TMEM92: variants seen among roughly 807,000 people sequenced by gnomAD.
The protein encoded by TMEM92 is transmembrane protein 92.
TMEM92 carries 15 observed loss-of-function variants against 14.6 expected under a neutral mutation model. The observed-to-expected ratio is 1.03, with a 90% CI of 0.69 to 1.58. The LOEUF (loss-of-function observed/expected upper bound fraction) is 1.58, where lower values mean the gene tolerates loss of function less well. Ranked by LOEUF, TMEM92 falls within the 40% of genes most tolerant of loss-of-function variation. The pLI, the probability that TMEM92 is intolerant of heterozygous loss-of-function variation, is 0.00. For synonymous variants in TMEM92, 85 were observed against 83.3 expected (o/e 1.02, Z -0.11); for missense variants, 174 against 202.4 (o/e 0.86, Z 0.85).
intron 1 of TMEM92, among the ~76,000 whole-genome samples, chr17:50,275,394 G>C (rs1034878091): frequency 1.3e-5 from 2 of 152,240 alleles, no homozygotes; most frequent in East Asian, 1.9e-4. Flanking sequence ...GTGGACCCGG[G>C]TTAGTGAGCA....
At position 50,279,562 on chromosome 17, in the gene TMEM92, G is replaced by A. The variant is rs972959898; in HGVS notation, c.*254G>A. The A allele has an allele frequency of 5.5e-5, 25 of 453,826 alleles. No individual in the cohort carries two copies. Among genetic ancestry groups the A allele is most frequent in the Non-Finnish European group, 8.4e-5 (21 of 250,814 alleles). The allele number at this position is 453,826 out of a possible 1,614,324, so 28.1% of individuals were successfully genotyped here. A position where few individuals can be genotyped will look rare whatever the true frequency, so the allele number is the denominator to read the frequency against. ...AAGAGGCTGCCGGAAAGAAAATGCTGACCATTGGAGGTGCCCAACAGTAGA... is the reference window on the plus strand; with the variant it reads ...AAGAGGCTGCCGGAAAGAAAATGCTAACCATTGGAGGTGCCCAACAGTAGA... On this transcript the variant is annotated 3_prime_UTR_variant, in exon 5 of 5. Coordinates refer to ENST00000507382, the MANE Select transcript of TMEM92 (RefSeq NM_153229.3).
At chr17:50,273,440 T>C (rs2143034618), upstream of TMEM92, among the ~76,000 whole-genome samples, 1 of 152,270 alleles carries the variant, frequency 6.6e-6, no homozygotes, top group Admixed American at 6.5e-5. Context: ...TTTCCAGGAA[T>C]CTGGATGGGC....
At position 50,274,543 on chromosome 17, in the gene TMEM92, G is replaced by T. The variant is rs758070794; in HGVS notation, c.42G>T (p.Leu14=). ...AWVPGLAPTL[L]FSLLAGPQKI... ...TCCCCGGCCTCGCGCCCACCTTGCT[G>T]TTCAGCCTGCTGGCTGGCCCCCAAA... The change falls in exon 1 of 5, where the codon CTG becomes CTT. Residue 14 remains leucine, a synonymous_variant. Transcript: ENST00000507382. 1 of 1,613,862 alleles carries T rather than the reference G, an allele frequency of 6.2e-7. No homozygotes were observed.
upstream of TMEM92, among the ~76,000 whole-genome samples, chr17:50,272,042 G>T (rs1275312844): frequency 6.6e-6 from 1 of 152,020 alleles, no homozygotes; most frequent in Non-Finnish European, 1.5e-5. Flanking sequence ...TATTGCATGG[G>T]ACATAATTAT....
In TMEM92 at chr17:50,279,252, T is replaced by G; in HGVS notation, c.424T>G (p.Phe142Val). ...CACAGAGCCACCCCCTCCCTACAGC[T>G]TCAGGCCTGAAGAATATACCGGGGA... Reference protein sequence around the residue: ...TPTEPPPPYSFRPEEYTGDQR... With the variant: ...TPTEPPPPYSVRPEEYTGDQR... The change falls in exon 5 of 5, where the codon TTC becomes GTC. Residue 142 changes from phenylalanine (F) to valine (V), a missense_variant. Physicochemically the swap from Phe to Val is conservative, Grantham distance 50. Transcript: ENST00000507382. The G allele has an allele frequency of 6.2e-7, 1 of 1,613,718 alleles. No homozygotes were observed. Among genetic ancestry groups the G allele is most frequent in the Non-Finnish European group, 8.5e-7 (1 of 1,179,840 alleles).
At position 50,278,625 on chromosome 17, in the gene TMEM92, C is replaced by T. The variant is rs374894818; in HGVS notation, c.165C>T (p.Pro55=). 45 of 1,613,810 alleles carry T rather than the reference C, an allele frequency of 2.8e-5. No individual in the cohort carries two copies. The highest frequency in any genetic ancestry group is 1.6e-4 in the East Asian group (7 of 44,852). The part of the protein sequence containing the change: ...CCQENELFPG[P]VRIFVIIFLV... ...AGGAGAACGAGCTCTTCCCTGGCCC[C>T]GTGAGGTGAGCCCAGGGCCAGCTCC... The change falls in exon 3 of 5, where the codon CCC becomes CCT. Residue 55 remains proline (P), a synonymous_variant. Transcript: ENST00000507382.
At chr17:50,274,081 C>A (rs1271449452), upstream of TMEM92, among the ~76,000 whole-genome samples, 2 of 152,134 alleles carry the variant, frequency 1.3e-5, no homozygotes, top group Non-Finnish European at 2.9e-5. Context: ...CGGGTTCAAG[C>A]GATTCTCCTG....
rs6504642 is a variant in TMEM92 at position 50,278,899 on chromosome 17, G to A, written c.269G>A (p.Ser90Asn). 0.083 allele frequency: 134,357 copies of A among 1,613,462 alleles called. 7,340 individuals carry two copies. The highest frequency in any genetic ancestry group is 0.24 in the African/African-American group (18,122 of 74,872). The change falls in exon 4 of 5, where the codon AGC (serine) becomes AAC (asparagine). Residue 90 changes from serine to asparagine, a missense_variant. Transcript: ENST00000507382. ...AACTGCAGAGAGCCGGAGCCAGACA[G>A]CCCAGTGGATTGCCGGGGGCCCCTG... is the stretch of plus-strand genomic sequence containing the variant. The part of the protein sequence containing the change: ...CRNCREPEPD[S>N]PVDCRGPLEL...
chr17:50,279,137 G>T lies in TMEM92; in HGVS notation c.367-58G>T, dbSNP rs1910529440. ...CTGGTAACCATGCCTCAGCTGGGATGGGGGAGTGGTGGCCAGGGCCAGGGC... is the reference window on the plus strand; with the variant it reads ...CTGGTAACCATGCCTCAGCTGGGATTGGGGAGTGGTGGCCAGGGCCAGGGC... On this transcript the variant is annotated intron_variant, in intron 4 of 4. Coordinates refer to ENST00000507382, the MANE Select transcript of TMEM92 (RefSeq NM_153229.3). The T allele has an allele frequency of 2.5e-5, 38 of 1,550,388 alleles. No homozygotes were observed. The South Asian group carries it at 3.9e-4, about 16-fold the overall frequency.
chr17:50,278,731 A>C, intron 3 of TMEM92, 70 bp from the exon 4 acceptor site: 1 of 1,569,422 alleles, frequency 6.4e-7, no homozygotes, highest in Non-Finnish European at 8.6e-7. Flanking sequence ...GGGCGGCGGG[A>C]GCGGGGAGAT....
chr17:50,276,576 C>G (rs1210828005), intron 1 of TMEM92, among the ~76,000 whole-genome samples: 1 of 152,156 alleles, frequency 6.6e-6, no homozygotes, highest in African/African-American at 2.4e-5. Context: ...TATTTTTTAG[C>G]CTTGGTTGTT....
At position 50,278,794 on chromosome 17, in the gene TMEM92, AC is replaced by A; in HGVS notation, c.171-3del. The A allele has an allele frequency of 6.2e-7, 1 of 1,603,676 alleles. No individual in the cohort carries two copies. ...ACTCAGGGTACTCTTGGTGGTCCCC[AC>A]CCCAGGATCTTCGTCATCATCTTCC... is the stretch of plus-strand genomic sequence containing the variant. On this transcript the variant is annotated splice_region_variant and splice_polypyrimidine_tract_variant and intron_variant, in intron 3 of 4. Coordinates refer to ENST00000507382, the MANE Select transcript of TMEM92 (RefSeq NM_153229.3).
chr17:50,274,832 C>A (rs964955592), intron 1 of TMEM92: 2 of 526,874 alleles, frequency 3.8e-6, no homozygotes, highest in African/African-American at 3.9e-5. Context: ...TGACACCTAG[C>A]ACGTCTCTGT....
At chr17:50,272,803 A>G (rs1313567628), upstream of TMEM92, among the ~76,000 whole-genome samples, 1 of 152,100 alleles carries the variant, frequency 6.6e-6, no homozygotes, top group Non-Finnish European at 1.5e-5. Flanking sequence ...AGAAGGGACC[A>G]GAGAAACCGA....
At position 50,274,573 on chromosome 17, in the gene TMEM92, G is replaced by C; in HGVS notation, c.69+3G>C. Reference sequence around the variant, plus strand: ...GCCTGCTGGCTGGCCCCCAAAAGGTGAGACTGGGAGGTAAGGTTGTTGAAC... The same window carrying C: ...GCCTGCTGGCTGGCCCCCAAAAGGTCAGACTGGGAGGTAAGGTTGTTGAAC... On this transcript the variant is annotated splice_donor_region_variant and intron_variant, in intron 1 of 4. Coordinates refer to ENST00000507382, the MANE Select transcript of TMEM92 (RefSeq NM_153229.3). 6.2e-7 allele frequency: 1 copy of C among 1,613,146 alleles called. No individual in the cohort carries two copies. The highest frequency in any genetic ancestry group is 1.1e-5 in the South Asian group (1 of 90,866).
chr17:50,274,584 G>C lies in TMEM92; in HGVS notation c.69+14G>C. 2 of 1,611,470 alleles carry C rather than the reference G, an allele frequency of 1.2e-6. No individual in the cohort carries two copies. The highest frequency in any genetic ancestry group is 1.7e-6 in the Non-Finnish European group (2 of 1,178,722). On this transcript the variant is annotated intron_variant, in intron 1 of 4. Transcript: ENST00000507382. ...GGCCCCCAAAAGGTGAGACTGGGAGGTAAGGTTGTTGAACTTTTGGGCCCT... is the reference window on the plus strand; with the variant it reads ...GGCCCCCAAAAGGTGAGACTGGGAGCTAAGGTTGTTGAACTTTTGGGCCCT...
In TMEM92 at chr17:50,279,982, A is replaced by G. The variant is rs1910564870; in HGVS notation, c.*674A>G. ...GCCCTCGGAGAGAGGCTTGTTCTAGATGTATTGGCTGTCTGTTTTTTGATG... is the reference window on the plus strand; with the variant it reads ...GCCCTCGGAGAGAGGCTTGTTCTAGGTGTATTGGCTGTCTGTTTTTTGATG... On this transcript the variant is annotated 3_prime_UTR_variant, in exon 5 of 5. Transcript: ENST00000507382. 6.6e-6 allele frequency: 1 copy of G among 152,386 alleles called. No homozygotes were observed. Among genetic ancestry groups the G allele is most frequent in the African/African-American group, 2.4e-5 (1 of 41,376 alleles). 9.4% of individuals were successfully genotyped at this position (152,386 alleles called of 1,614,324 possible). A position where few individuals can be genotyped will look rare whatever the true frequency, so the allele number is the denominator to read the frequency against.
At chr17:50,276,870 T>C (rs9891711) in intron 1 of TMEM92, among the ~76,000 whole-genome samples, 19,521 of 151,944 alleles carry the variant, frequency 0.13, 2,229 homozygotes, top group African/African-American at 0.3. Flanking sequence ...TGACAAGAGG[T>C]GTGGAGAAAA....
At position 50,277,728 on chromosome 17, in the gene TMEM92, G is replaced by A. The variant is rs779370195; in HGVS notation, c.83G>A (p.Cys28Tyr). The change falls in exon 2 of 5, where the codon TGT becomes TAT. Residue 28 changes from cysteine (C) to tyrosine (Y), a missense_variant. Transcript: ENST00000507382. ...LAGPQKIAAK[C>Y]GLILACPKGF... ...TTTCTTCCACAGATTGCAGCCAAATGTGGTCTCATCCTGTAAGTCTAGAGG... is the reference window on the plus strand; with the variant it reads ...TTTCTTCCACAGATTGCAGCCAAATATGGTCTCATCCTGTAAGTCTAGAGG... The A allele has an allele frequency of 4.0e-5, 64 of 1,613,914 alleles. No homozygotes were observed. Among genetic ancestry groups the A allele is most frequent in the Non-Finnish European group, 5.3e-5 (62 of 1,179,954 alleles).
Sources: gnomAD v4.1 joint callset for allele counts (sites outside exome capture counted in the v4.1 genomes callset) on GRCh38, gnomAD v4.1.1 for gene constraint, MANE v1.5 for transcripts, NCBI Gene and HGNC (gene_info 2026-07-23, HGNC 2026-07-21) for gene names.